Variants in MBTPS1 observed in about 807,000 individuals in gnomAD.
The protein encoded by MBTPS1 is membrane bound transcription factor peptidase, site 1, also known as membrane-bound transcription factor site-1 protease.
MBTPS1 carries 94 observed loss-of-function variants against 127.8 expected under a neutral mutation model. The observed-to-expected ratio is 0.74, with a 90% CI of 0.62 to 0.87. MBTPS1 has a LOEUF of 0.87. Among genes scored for constraint, MBTPS1 ranks in the 40% least tolerant of loss-of-function variants. The probability of loss-of-function intolerance (pLI) is 0.00; values close to 1 mark genes in which losing one functional copy is unlikely to be tolerated. For synonymous variants in MBTPS1, 632 were observed against 509.4 expected, an observed-to-expected ratio of 1.24 and a Z score of -3.24; for missense variants, 1,636 against 1,353.2, an observed-to-expected ratio of 1.21 and a Z score of -3.28.
intron 18 of MBTPS1, among the ~76,000 whole-genome samples, chr16:84,063,873 T>C (rs2085647177): frequency 6.6e-6 from 1 of 152,212 alleles, no homozygotes; most frequent in South Asian, 2.1e-4. Context: ...AATACAGTCA[T>C]ATATACTAAT....
At chr16:84,059,556 T>C in intron 20 of MBTPS1, 128 bp from the exon 21 acceptor site, 1 of 827,028 alleles carries the variant, frequency 1.2e-6, no homozygotes, top group Non-Finnish European at 1.9e-6. Flanking sequence ...CTGTGCTCTA[T>C]TAAGCTATCC....
intron 10 of MBTPS1, 35 bp from the exon 11 acceptor site, chr16:84,081,943 C>A: frequency 7.5e-7 from 1 of 1,342,024 alleles, no homozygotes. Context: ...TATTTTCTCT[C>A]AGTAAAAGAA....
intron 17 of MBTPS1, 152 bp downstream of exon 17, chr16:84,066,337 C>T (rs1388659952): frequency 1.3e-6 from 1 of 752,654 alleles, no homozygotes; most frequent in Non-Finnish European, 2.0e-6. Flanking sequence ...TAGAGCCTCA[C>T]AGATGTACTT....
intron 11 of MBTPS1, among the ~76,000 whole-genome samples, chr16:84,081,282 G>T (rs11861599): frequency 6.6e-6 from 1 of 152,226 alleles, no homozygotes; most frequent in African/African-American, 2.4e-5. Flanking sequence ...AGGCCGGACG[G>T]GAGTACCACA....
Position 84,087,473 on chromosome 16 carries a change from C to CAAAAAAAAAAAAAAAAAAAAAAAA in MBTPS1, c.1032-14_1032-13insTTTTTTTTTTTTTTTTTTTTTTTT. On this transcript the variant is annotated splice_polypyrimidine_tract_variant and intron_variant, in intron 8 of 22. Transcript: ENST00000343411. ...GTTATTCAGAGTGCTATATTGAGAC[C>CAAAAAAAAAAAAAAAAAAAAAAAA]AAAAAAAAAAAAAAAGAAAAGAAAA... 7 of 1,036,172 alleles carry CAAAAAAAAAAAAAAAAAAAAAAAA rather than the reference C, an allele frequency of 6.8e-6. No homozygotes were observed. Among genetic ancestry groups the CAAAAAAAAAAAAAAAAAAAAAAAA allele is most frequent in the South Asian group, 6.1e-5 (4 of 66,080 alleles). The allele number at this position is 1,036,172 out of a possible 1,614,324, so 64.2% of individuals were successfully genotyped here.
Position 84,054,503 on chromosome 16 carries a change from C to T in MBTPS1, c.3105G>A (p.Val1035=). Residue 1035 remains valine, a synonymous_variant, in exon 23 of 23, where the codon GTG becomes GTA. Coordinates refer to ENST00000343411, the MANE Select transcript of MBTPS1 (RefSeq NM_003791.4). ...CCTGCTGCATGAGCTGCGGGCGCTT[C>T]ACCCTGGGCTTCCTCCGCTTCGGCC... The part of the protein sequence containing the change: ...KSRPKRRKPR[V]KRPQLMQQVH... 1 of 1,613,464 alleles carries T rather than the reference C, an allele frequency of 6.2e-7. No homozygotes were observed. Among genetic ancestry groups the T allele is most frequent in the African/African-American group, 1.3e-5 (1 of 75,010 alleles).
chr16:84,067,641 C>CA, intron 16 of MBTPS1, 26 bp downstream of exon 16: 1 of 1,244,222 alleles, frequency 8.0e-7, no homozygotes, highest in Non-Finnish European at 1.1e-6. Context: ...AAGTCTTATC[C>CA]AAATACCAAT....
intron 6 of MBTPS1, 105 bp from the exon 7 acceptor site, chr16:84,091,953 A>C: frequency 4.2e-6 from 3 of 713,012 alleles, no homozygotes; most frequent in Non-Finnish European, 7.4e-6. Flanking sequence ...TAGTTCTCTT[A>C]ATTTTTTTTT....
rs570773618 is a variant in MBTPS1, at chr16:84,113,273, C to G, written c.-325+3462G>C. 2.0e-5 allele frequency among the ~76,000 whole-genome samples: 3 copies of G among 152,308 alleles called. No homozygotes were observed. In the East Asian group the frequency reaches 5.8e-4, roughly 29 times the overall value. ...TGTTACTGTATCCACTAAATGTTAACTGGATTTAATTTCTATAAATTCTTT... is the reference window on the plus strand; with the variant it reads ...TGTTACTGTATCCACTAAATGTTAAGTGGATTTAATTTCTATAAATTCTTT... On this transcript the variant is annotated intron_variant, in intron 1 of 22. Coordinates refer to ENST00000343411, the MANE Select transcript of MBTPS1 (RefSeq NM_003791.4).
chr16:84,068,864 C>A (rs1479720268), intron 14 of MBTPS1, among the ~76,000 whole-genome samples: 1 of 152,186 alleles, frequency 6.6e-6, no homozygotes, highest in Admixed American at 6.5e-5. Flanking sequence ...GCTAAGACAG[C>A]GGCACAGCTA....
rs114167108 is a variant in MBTPS1 at position 84,094,078 on chromosome 16, G to C, written c.626-257C>G. Among the ~76,000 whole-genome samples, 508 of 152,164 alleles carry C rather than the reference G, an allele frequency of 3.3e-3. 3 individuals are homozygous for C. The highest frequency in any genetic ancestry group is 0.011 in the African/African-American group (468 of 41,514). ...TAAGGATAAGCAGAAAATCCTTCTA[G>C]ACCCTCCTCAATTGCCACCAGCACT... On this transcript the variant is annotated intron_variant, in intron 4 of 22. Transcript: ENST00000343411.
intron 1 of MBTPS1, among the ~76,000 whole-genome samples, chr16:84,111,385 C>T (rs2086394360): frequency 6.6e-6 from 1 of 151,960 alleles, no homozygotes; most frequent in South Asian, 2.1e-4. Context: ...ACAAAAAATA[C>T]AAAAATTAGC....
rs565914695 is a variant in MBTPS1 at position 84,054,862 on chromosome 16, G to A, written c.2963-217C>T. 4.6e-5 allele frequency among the ~76,000 whole-genome samples: 7 copies of A among 151,844 alleles called. No individual in the cohort carries two copies. In the East Asian group the frequency reaches 1.4e-3, roughly 29 times the overall value. On this transcript the variant is annotated intron_variant, in intron 22 of 22. Coordinates refer to ENST00000343411, the MANE Select transcript of MBTPS1 (RefSeq NM_003791.4). The stretch of plus-strand genomic sequence containing the variant: ...GAGCAGCCACTTCCTGTGGGGTGGA[G>A]GCTCGGTGGATCTCTGCTGCCCTTC...
intron 21 of MBTPS1, among the ~76,000 whole-genome samples, chr16:84,059,043 T>C (rs1196388735): frequency 6.6e-6 from 1 of 152,218 alleles, no homozygotes; most frequent in Non-Finnish European, 1.5e-5. Context: ...AATCACTCTG[T>C]TGGATCCCAG....
intron 18 of MBTPS1, among the ~76,000 whole-genome samples, chr16:84,065,436 GAAT>G: frequency 6.6e-6 from 1 of 152,178 alleles, no homozygotes; most frequent in Non-Finnish European, 1.5e-5. Context: ...CCAAAATGTC[GAAT>G]GGGCATGGGA....
At chr16:84,066,714 C>T in intron 16 of MBTPS1, 101 bp from the exon 17 acceptor site, 2 of 1,191,656 alleles carry the variant, frequency 1.7e-6, no homozygotes, top group Non-Finnish European at 2.4e-6. Flanking sequence ...CTGCCACAAT[C>T]CAGTCCTTCC....
intron 12 of MBTPS1, among the ~76,000 whole-genome samples, chr16:84,073,137 TTTTTC>T (rs1258623652): frequency 6.6e-6 from 1 of 152,188 alleles, no homozygotes. Context: ...TATAGTTGAA[TTTTTC>T]TTTTCTTTTT....
intron 4 of MBTPS1, 83 bp from the exon 5 acceptor site, chr16:84,093,904 G>GT: frequency 1.0e-6 from 1 of 974,998 alleles, no homozygotes; most frequent in Non-Finnish European, 1.6e-6. Context: ...ATTCCTTCCT[G>GT]GGACCCACAG....
At chr16:84,104,492 A>G (rs1485297661) in intron 1 of MBTPS1, among the ~76,000 whole-genome samples, 1 of 152,144 alleles carries the variant, frequency 6.6e-6, no homozygotes, top group Non-Finnish European at 1.5e-5. Flanking sequence ...CAAACAAAAA[A>G]GCCTCTTAAA....
Sources: gnomAD v4.1 joint callset for allele counts (sites outside exome capture counted in the v4.1 genomes callset) on GRCh38, gnomAD v4.1.1 for gene constraint, MANE v1.5 for transcripts, NCBI Gene and HGNC (gene_info 2026-07-23, HGNC 2026-07-21) for gene names.